PBK: variants seen among roughly 807,000 people sequenced by gnomAD.
The protein encoded by PBK is PDZ binding kinase.
A neutral mutation model predicts 33.5 loss-of-function variants in PBK; 22 were observed. The observed-to-expected ratio is 0.66, with a 90% CI of 0.47 to 0.94. PBK has a LOEUF of 0.94. PBK is among the 40% of genes least tolerant of loss of function. The pLI is 0.00. For synonymous variants in PBK, 129 were observed against 123.8 expected, an observed-to-expected ratio of 1.04 and a Z score of -0.28; for missense variants, 376 against 383.4, an observed-to-expected ratio of 0.98 and a Z score of 0.16.
chr8:27,836,543 A>T (rs1806230885), intron 1 of PBK, among the ~76,000 whole-genome samples: 1 of 151,974 alleles, frequency 6.6e-6, no homozygotes, highest in African/African-American at 2.4e-5. Flanking sequence ...GAGTAACTGT[A>T]GAGAGAAGAG....
chr8:27,833,056 C>T lies in PBK; in HGVS notation c.58G>A (p.Val20Ile). 6.4e-7 allele frequency: 1 copy of T among 1,566,744 alleles called. No homozygotes were observed. Among genetic ancestry groups the T allele is most frequent in the Non-Finnish European group, 8.7e-7 (1 of 1,147,056 alleles). The change falls in exon 2 of 8, where the codon GTA (valine) becomes ATA (isoleucine). Residue 20 changes from valine (V) to isoleucine (I), a missense_variant and splice_region_variant. Val to Ile is a conservative substitution (Grantham distance 29). Transcript: ENST00000301905. Reference protein sequence around the residue: ...PSKLSEKKKSVLCSTPTINIP... With the variant: ...PSKLSEKKKSILCSTPTINIP... ...AAAAATCTTACATCTGCTATCTTAC[C>T]AGATTTCTTTTTTTCTGATAATTTG...
At chr8:27,814,541 T>C (rs986526145) in intron 6 of PBK, among the ~76,000 whole-genome samples, 7 of 152,130 alleles carry the variant, frequency 4.6e-5, no homozygotes, top group African/African-American at 1.7e-4. Context: ...CATAGCTTTA[T>C]TCCCTTCCTT....
chr8:27,816,323 T>C (rs1172550177), intron 6 of PBK, among the ~76,000 whole-genome samples: 1 of 144,994 alleles, frequency 6.9e-6, no homozygotes, highest in Non-Finnish European at 1.5e-5. Flanking sequence ...ACACTTAAGA[T>C]TTTGGCTTTT....
intron 6 of PBK, 32 bp from the exon 7 acceptor site, chr8:27,811,166 A>T: frequency 6.2e-7 from 1 of 1,610,430 alleles, no homozygotes; most frequent in Non-Finnish European, 8.5e-7. Context: ...TGAAGGCAGG[A>T]GCTACAAATC....
At chr8:27,816,343 C>CTATATATATATATATATATATATATA (rs767822258) in intron 6 of PBK, among the ~76,000 whole-genome samples, 6 of 136,362 alleles carry the variant, frequency 4.4e-5, no homozygotes, top group East Asian at 2.3e-4. Flanking sequence ...TCATCGAATA[C>CTATATATATATATATATATATATATA]TATATATATA....
rs763304019 is a variant in PBK, at chr8:27,810,959, TTCATCA to T, written c.765_770del (p.Asp255_Asp256del). The T allele has an allele frequency of 1.3e-6, 2 of 1,547,640 alleles. No individual in the cohort carries two copies. Among genetic ancestry groups the T allele is most frequent in the Non-Finnish European group, 1.8e-6 (2 of 1,120,496 alleles). ...TTATGTTAGAAATTGTATTCATACC[TTCATCA>T]TCATCATCATTTGAAAGATTAATGT... On this transcript the variant is annotated inframe_deletion and splice_region_variant, in exon 7 of 8. Transcript: ENST00000301905.
chr8:27,836,143 C>G (rs1307601579), intron 1 of PBK, among the ~76,000 whole-genome samples: 1 of 151,864 alleles, frequency 6.6e-6, no homozygotes, highest in African/African-American at 2.4e-5. Flanking sequence ...CCTTGAGAAA[C>G]TCATTTGAAG....
chr8:27,835,226 C>T (rs68155784), intron 1 of PBK, among the ~76,000 whole-genome samples: 23,924 of 152,046 alleles, frequency 0.16, 2,391 homozygotes, highest in East Asian at 0.37. Flanking sequence ...TAATGACAAG[C>T]TTGTTCATCT....
chr8:27,833,793 CTT>C (rs138220460), intron 1 of PBK, among the ~76,000 whole-genome samples: 5,358 of 152,086 alleles, frequency 0.035, 120 homozygotes, highest in African/African-American at 0.063. Flanking sequence ...TAACAGCTCT[CTT>C]ATATCCTTTA....
chr8:27,829,277 T>A (rs187586787), intron 2 of PBK, among the ~76,000 whole-genome samples: 4 of 152,230 alleles, frequency 2.6e-5, no homozygotes, highest in Admixed American at 2.6e-4. Flanking sequence ...ACACTTCATA[T>A]CACCATGAGC....
intron 6 of PBK, among the ~76,000 whole-genome samples, chr8:27,816,867 A>G (rs941518117): frequency 6.6e-6 from 1 of 152,044 alleles, no homozygotes. Flanking sequence ...GATATATGGT[A>G]TTCTATTGTG....
At chr8:27,816,844 C>T (rs1430518538) in intron 6 of PBK, among the ~76,000 whole-genome samples, 7 of 151,422 alleles carry the variant, frequency 4.6e-5, no homozygotes, top group Admixed American at 2.6e-4. Flanking sequence ...AATATAAACC[C>T]GTATAATTTA....
chr8:27,832,495 C>T (rs10098588), intron 2 of PBK, among the ~76,000 whole-genome samples: 23,954 of 152,144 alleles, frequency 0.16, 2,400 homozygotes, highest in East Asian at 0.37. Context: ...CCATATACAA[C>T]ATCCCAAGCA....
intron 2 of PBK, among the ~76,000 whole-genome samples, chr8:27,829,103 T>TAA (rs5890382): frequency 0.86 from 130,778 of 152,022 alleles, 56,427 homozygotes; most frequent in East Asian, 1. Context: ...AGCAGAGAAC[T>TAA]AGAGAGCTCC....
intron 3 of PBK, among the ~76,000 whole-genome samples, chr8:27,824,320 CAT>C (rs1317725397): frequency 2.6e-5 from 4 of 152,040 alleles, no homozygotes; most frequent in South Asian, 4.1e-4. Context: ...TTTTCCATAA[CAT>C]ATTCTAATCT....
At position 27,811,088 on chromosome 8, in the gene PBK, G is replaced by T. The variant is rs1307311834; in HGVS notation, c.642C>A (p.Pro214=). The stretch of plus-strand genomic sequence containing the variant: ...CACCATTCTCCTCCACAGCTTCTTT[G>T]GGTTTCCATGGCTCTGTGCCAATGT... ...ACYIGTEPWK[P]KEAVEENGVI... The change falls in exon 7 of 8, where the codon CCC becomes CCA. Residue 214 remains proline (P), a synonymous_variant. Transcript: ENST00000301905. The T allele has an allele frequency of 6.2e-7, 1 of 1,613,420 alleles. No homozygotes were observed. The highest frequency in any genetic ancestry group is 1.1e-5 in the South Asian group (1 of 91,074).
chr8:27,823,925 A>C (rs188383480), intron 3 of PBK, among the ~76,000 whole-genome samples: 1 of 152,222 alleles, frequency 6.6e-6, no homozygotes, highest in African/African-American at 2.4e-5. Context: ...TATATGCAGC[A>C]TAACAGCACA....
chr8:27,827,943 CAA>C (rs1806056977), intron 3 of PBK, among the ~76,000 whole-genome samples, 160 bp downstream of exon 3: 4 of 152,156 alleles, frequency 2.6e-5, no homozygotes, highest in African/African-American at 7.2e-5. Flanking sequence ...GAGCTACAGG[CAA>C]AGTTACAAAA....
intron 5 of PBK, among the ~76,000 whole-genome samples, chr8:27,822,006 G>C (rs1289156807): frequency 1.3e-5 from 2 of 152,130 alleles, no homozygotes; most frequent in Admixed American, 1.3e-4. Context: ...TAGGAGAACT[G>C]GGCTATATAT....
Sources: gnomAD v4.1 joint callset for allele counts (sites outside exome capture counted in the v4.1 genomes callset) on GRCh38, gnomAD v4.1.1 for gene constraint, MANE v1.5 for transcripts, NCBI Gene and HGNC (gene_info 2026-07-23, HGNC 2026-07-21) for gene names.